Variants in ENTREP2 observed in about 807,000 individuals in gnomAD.
The protein encoded by ENTREP2 is protein ENTREP2.
At chr15:29,511,549 A>C in the ENTREP2 span, among the ~76,000 whole-genome samples, 2 of 147,116 alleles carry the variant, frequency 1.4e-5, no homozygotes. Flanking sequence ...TGGTCTCCCA[A>C]CTCCTGGCCT....
chr15:29,223,875 G>A, the ENTREP2 span, among the ~76,000 whole-genome samples: 5 of 152,352 alleles, frequency 3.3e-5, no homozygotes, highest in East Asian at 7.7e-4. Flanking sequence ...TCAGCTGACA[G>A]AGGACTGACA....
chr15:29,540,286 T>A, the ENTREP2 span, among the ~76,000 whole-genome samples: 1 of 152,250 alleles, frequency 6.6e-6, no homozygotes, highest in Non-Finnish European at 1.5e-5. Flanking sequence ...AAATGTATTA[T>A]ACACACTGTT....
At chr15:29,207,311 G>A in the ENTREP2 span, among the ~76,000 whole-genome samples, 1 of 152,126 alleles carries the variant, frequency 6.6e-6, no homozygotes, top group African/African-American at 2.4e-5. Context: ...CTTCAAGAAT[G>A]AGGCCGCAGA....
the ENTREP2 span, among the ~76,000 whole-genome samples, chr15:29,207,571 C>A: frequency 6.6e-6 from 1 of 152,082 alleles, no homozygotes; most frequent in Non-Finnish European, 1.5e-5. Flanking sequence ...TAGAATCCTG[C>A]TGATTGGTGC....
the ENTREP2 span, among the ~76,000 whole-genome samples, chr15:29,176,760 T>C: frequency 6.6e-6 from 1 of 152,212 alleles, no homozygotes. Flanking sequence ...GTCGCCAGGC[T>C]TTGCTAATTT....
the ENTREP2 span, among the ~76,000 whole-genome samples, chr15:29,473,934 C>T: frequency 1.3e-5 from 2 of 152,318 alleles, no homozygotes; most frequent in East Asian, 3.9e-4. Context: ...CCCCGTGGGC[C>T]ACGGCAGTCC....
At chr15:29,445,382 C>T in the ENTREP2 span, among the ~76,000 whole-genome samples, 10 of 152,196 alleles carry the variant, frequency 6.6e-5, no homozygotes, top group Middle Eastern at 0.01. Flanking sequence ...GTGATTAGAG[C>T]GTTGGAACTT....
the ENTREP2 span, chr15:29,266,025 T>C: frequency 9.9e-5 from 15 of 152,170 alleles, no homozygotes; most frequent in African/African-American, 3.6e-4. Flanking sequence ...ATGATCTGTA[T>C]GACCAAAAGA....
At chr15:29,289,548 A>G in the ENTREP2 span, among the ~76,000 whole-genome samples, 1 of 152,118 alleles carries the variant, frequency 6.6e-6, no homozygotes, top group Non-Finnish European at 1.5e-5. Flanking sequence ...AGAGTGCACA[A>G]AAAGATTTGA....
chr15:29,269,281 A>G, the ENTREP2 span: 1 of 1,614,180 alleles, frequency 6.2e-7, no homozygotes, highest in East Asian at 2.2e-5. Context: ...AAGTTCCACC[A>G]GCTTATACCC....
the ENTREP2 span, among the ~76,000 whole-genome samples, chr15:29,138,420 A>G: frequency 6.6e-6 from 1 of 152,172 alleles, no homozygotes; most frequent in Non-Finnish European, 1.5e-5. Context: ...ATGCCGCCCT[A>G]TGAGTGTCTA....
At chr15:29,287,101 A>G in the ENTREP2 span, among the ~76,000 whole-genome samples, 35 of 152,320 alleles carry the variant, frequency 2.3e-4, no homozygotes, top group East Asian at 3.5e-3. Context: ...AGTCATGTAG[A>G]CTGGCACCTC....
chr15:29,127,798 G>A, the ENTREP2 span, among the ~76,000 whole-genome samples: 1 of 152,178 alleles, frequency 6.6e-6, no homozygotes, highest in Non-Finnish European at 1.5e-5. Context: ...GGCTCAGGTA[G>A]CACCAGCCCC....
chr15:29,177,355 C>T, the ENTREP2 span, among the ~76,000 whole-genome samples: 1 of 152,206 alleles, frequency 6.6e-6, no homozygotes, highest in Non-Finnish European at 1.5e-5. Context: ...ACTGCACATG[C>T]TTTCTGGAAT....
chr15:29,570,442 C>G, the ENTREP2 span: 1 of 1,090,242 alleles, frequency 9.2e-7, no homozygotes, highest in Non-Finnish European at 1.2e-6. Flanking sequence ...GCGGCCGCAG[C>G]GCCTAGCCCC....
the ENTREP2 span, among the ~76,000 whole-genome samples, chr15:29,642,091 C>T: frequency 6.6e-6 from 1 of 152,072 alleles, no homozygotes; most frequent in African/African-American, 2.4e-5. Context: ...CAATTCCTAT[C>T]AAAATCCCAG....
the ENTREP2 span, among the ~76,000 whole-genome samples, chr15:29,150,905 G>T: frequency 6.6e-6 from 1 of 152,220 alleles, no homozygotes; most frequent in South Asian, 2.1e-4. Flanking sequence ...GAGACAGAGA[G>T]ACAGAAAGAG....
At chr15:29,463,218 G>A in the ENTREP2 span, among the ~76,000 whole-genome samples, 1 of 152,164 alleles carries the variant, frequency 6.6e-6, no homozygotes, top group Non-Finnish European at 1.5e-5. Flanking sequence ...CCACCAGGCT[G>A]GAAACCAGGG....
chr15:29,285,457 C>CTT, the ENTREP2 span, among the ~76,000 whole-genome samples: 1 of 152,186 alleles, frequency 6.6e-6, no homozygotes, highest in African/African-American at 2.4e-5. Context: ...TTTCCCAAAA[C>CTT]ATTTGAAAAA....
Sources: gnomAD v4.1 joint callset for allele counts (sites outside exome capture counted in the v4.1 genomes callset) on GRCh38, gnomAD v4.1.1 for gene constraint, MANE v1.5 for transcripts, NCBI Gene and HGNC (gene_info 2026-07-23, HGNC 2026-07-21) for gene names.